Variants in SORCS3 observed in about 807,000 individuals in gnomAD.
The protein encoded by SORCS3 is VPS10 domain-containing receptor SorCS3.
Under a neutral mutation model 146.3 loss-of-function variants are expected in SORCS3, and 57 were observed. The observed-to-expected ratio is 0.39, with a 90% CI of 0.31 to 0.49. The LOEUF is 0.49. SORCS3 is among the 20% of genes least tolerant of loss of function. The pLI is 0.92. For missense variants in SORCS3, 1,341 were observed against 1,575.5 expected, an observed-to-expected ratio of 0.85 and a Z score of 2.52; for synonymous variants, 653 against 618.5, an observed-to-expected ratio of 1.06 and a Z score of -0.83.
intron 20 of SORCS3, among the ~76,000 whole-genome samples, chr10:105,233,975 A>G (rs780101698): frequency 6.6e-6 from 1 of 151,992 alleles, no homozygotes; most frequent in Non-Finnish European, 1.5e-5. Flanking sequence ...ATTCTTCTTC[A>G]TTGTTCTTTC....
chr10:105,215,405 A>G (rs2056659111), intron 18 of SORCS3, among the ~76,000 whole-genome samples: 1 of 152,224 alleles, frequency 6.6e-6, no homozygotes, highest in African/African-American at 2.4e-5. Flanking sequence ...AAAACAGGCC[A>G]GGAGTCATTT....
chr10:105,236,208 C>A (rs943891123), intron 20 of SORCS3, among the ~76,000 whole-genome samples: 1 of 151,966 alleles, frequency 6.6e-6, no homozygotes, highest in African/African-American at 2.4e-5. Context: ...AGTTAAGCTC[C>A]CTGTCTGAGG....
At chr10:105,080,724 T>C (rs376418921) in intron 5 of SORCS3, among the ~76,000 whole-genome samples, 7 of 152,250 alleles carry the variant, frequency 4.6e-5, no homozygotes, top group African/African-American at 1.7e-4. Flanking sequence ...TTGTGTATGA[T>C]ATAAGGAAGG....
intron 1 of SORCS3, among the ~76,000 whole-genome samples, chr10:104,807,135 T>TTTTTTTTTTTTTTTTTTTTTTTTTGAG (rs1392376583): frequency 2.0e-5 from 3 of 151,656 alleles, no homozygotes; most frequent in Non-Finnish European, 2.9e-5. Flanking sequence ...CTGTTGCTTT[T>TTTTTTTTTTTTTTTTTTTTTTTTTGAG]AAGAAATGGT....
intron 11 of SORCS3, among the ~76,000 whole-genome samples, chr10:105,161,954 G>C (rs143136424): frequency 2.4e-4 from 36 of 152,108 alleles, no homozygotes; most frequent in African/African-American, 8.7e-4. Context: ...TGTAAACTCT[G>C]AATGTTCACA....
At chr10:104,953,068 A>G (rs2019450415) in intron 3 of SORCS3, among the ~76,000 whole-genome samples, 1 of 152,106 alleles carries the variant, frequency 6.6e-6, no homozygotes, top group Non-Finnish European at 1.5e-5. Context: ...ATAATTGGAA[A>G]CCCCACTCTC....
chr10:104,845,849 C>G (rs1189901570), intron 2 of SORCS3, among the ~76,000 whole-genome samples: 2 of 152,098 alleles, frequency 1.3e-5, no homozygotes, highest in Non-Finnish European at 2.9e-5. Context: ...GTCCCTACCA[C>G]AGGGCAAAGT....
At chr10:105,117,126 C>T (rs1530908) in intron 7 of SORCS3, among the ~76,000 whole-genome samples, 29,311 of 151,988 alleles carry the variant, frequency 0.19, 3,042 homozygotes, top group Admixed American at 0.24. Flanking sequence ...CATGAATTTT[C>T]ATAGGCTGTC....
intron 19 of SORCS3, among the ~76,000 whole-genome samples, chr10:105,218,699 G>A (rs1220294791): frequency 1.3e-5 from 2 of 152,188 alleles, no homozygotes. Flanking sequence ...AATGTTCTTA[G>A]CCTTTATAAA....
chr10:105,149,587 A>G (rs2056154581), intron 9 of SORCS3, among the ~76,000 whole-genome samples: 2 of 152,188 alleles, frequency 1.3e-5, no homozygotes, highest in African/African-American at 4.8e-5. Flanking sequence ...TAATGTTCCC[A>G]GGACTGAGGC....
intron 14 of SORCS3, among the ~76,000 whole-genome samples, chr10:105,179,089 A>C (rs2056426636): frequency 6.6e-6 from 1 of 152,224 alleles, no homozygotes; most frequent in Non-Finnish European, 1.5e-5. Flanking sequence ...ATAAGTGATC[A>C]GTTATAAAAA....
intron 17 of SORCS3, 122 bp downstream of exon 17, chr10:105,211,372 G>T: frequency 1.4e-6 from 1 of 694,306 alleles, no homozygotes; most frequent in Non-Finnish European, 2.6e-6. Context: ...ATAACAAATG[G>T]CATTTGAAGG....
At chr10:105,213,959 T>C (rs932316199) in intron 17 of SORCS3, among the ~76,000 whole-genome samples, 9 of 152,158 alleles carry the variant, frequency 5.9e-5, no homozygotes, top group Non-Finnish European at 1.3e-4. Context: ...ATAGGGAAGA[T>C]AGGAATCAGC....
intron 5 of SORCS3, among the ~76,000 whole-genome samples, chr10:105,070,930 A>G (rs1424301066): frequency 6.6e-6 from 1 of 152,230 alleles, no homozygotes; most frequent in Non-Finnish European, 1.5e-5. Flanking sequence ...TTAATTTGCC[A>G]TCATTAAGGA....
intron 1 of SORCS3, among the ~76,000 whole-genome samples, chr10:104,657,373 CA>C (rs1324715652): frequency 6.6e-6 from 1 of 152,174 alleles, no homozygotes; most frequent in Admixed American, 6.5e-5. Context: ...AGCGTTTTTG[CA>C]GCAGGTAAAA....
At chr10:104,935,820 G>T (rs566705885) in intron 3 of SORCS3, among the ~76,000 whole-genome samples, 3 of 152,322 alleles carry the variant, frequency 2.0e-5, no homozygotes, top group Admixed American at 2.0e-4. Flanking sequence ...GGTAAGGTGT[G>T]TTCAGGAAGC....
At chr10:105,103,927 A>C (rs1034446198) in intron 6 of SORCS3, among the ~76,000 whole-genome samples, 3 of 152,236 alleles carry the variant, frequency 2.0e-5, no homozygotes, top group Non-Finnish European at 4.4e-5. Flanking sequence ...TCTTTTAGAA[A>C]GGAAAATCTC....
intron 13 of SORCS3, among the ~76,000 whole-genome samples, chr10:105,173,453 A>G (rs949036685): frequency 6.6e-6 from 1 of 152,258 alleles, no homozygotes; most frequent in East Asian, 1.9e-4. Flanking sequence ...TGCAACCTCT[A>G]TATATTTTGT....
At chr10:105,112,159 C>T (rs1034691014) in intron 7 of SORCS3, among the ~76,000 whole-genome samples, 1 of 152,140 alleles carries the variant, frequency 6.6e-6, no homozygotes, top group South Asian at 2.1e-4. Context: ...TCCCTTTATG[C>T]TTTGCCATAG....
Sources: allele counts gnomAD v4.1 joint callset (sites outside exome capture counted in the v4.1 genomes callset), GRCh38; gene constraint gnomAD v4.1.1; transcripts MANE v1.5; gene names NCBI Gene and HGNC (gene_info 2026-07-23, HGNC 2026-07-21).